DGKA: variants seen among roughly 807,000 people sequenced by gnomAD.
DGKA encodes the protein 80 kDa diacylglycerol kinase.
Under a neutral mutation model 105.0 loss-of-function variants are expected in DGKA, and 35 were observed. The ratio of observed to expected loss-of-function variants is 0.33; its 90% confidence interval spans 0.25 to 0.44. The LOEUF (loss-of-function observed/expected upper bound fraction) is 0.44, where lower values mean the gene tolerates loss of function less well. Among genes scored for constraint, DGKA ranks in the 20% least tolerant of loss-of-function variants. The pLI, the probability that DGKA is intolerant of heterozygous loss-of-function variation, is 1.00. For missense variants in DGKA, 665 were observed against 915.0 expected, an observed-to-expected ratio of 0.73 and a Z score of 3.53; for synonymous variants, 296 against 332.0, an observed-to-expected ratio of 0.89 and a Z score of 1.18.
intron 4 of DGKA, 114 bp downstream of exon 4, chr12:55,937,657 G>A: frequency 7.3e-7 from 1 of 1,376,334 alleles, no homozygotes; most frequent in Non-Finnish European, 1.0e-6. Flanking sequence ...GGGGAAATTG[G>A]TGGAGAATAG....
In DGKA at chr12:55,952,331, G is replaced by T. The variant is rs974026197; in HGVS notation, c.1653-10G>T. On this transcript the variant is annotated splice_polypyrimidine_tract_variant and intron_variant, in intron 19 of 23. Transcript: ENST00000331886. This position sits in a 1 kb window ranked among gnomAD's most constrained non-coding sequence, Gnocchi z 5.1. ...CCTCCCTACTGGGCCTTGTGTTGGG[G>T]CTGACACAGAATGAAGAACAAGCTA... The T allele has an allele frequency of 1.2e-6, 2 of 1,613,914 alleles. No individual in the cohort carries two copies. Among genetic ancestry groups the T allele is most frequent in the South Asian group, 2.2e-5 (2 of 91,084 alleles).
chr12:55,937,877 A>C, intron 4 of DGKA, 101 bp from the exon 5 acceptor site: 2 of 1,112,210 alleles, frequency 1.8e-6, no homozygotes, highest in Non-Finnish European at 2.7e-6. Flanking sequence ...AAAATCAGTA[A>C]ATCTTTTTTT....
chr12:55,932,289 T>C lies in DGKA; in HGVS notation c.-82+945T>C. 1 of 527,794 alleles carries C rather than the reference T, an allele frequency of 1.9e-6. No individual in the cohort carries two copies. The highest frequency in any genetic ancestry group is 3.4e-6 in the Non-Finnish European group (1 of 291,370). The allele number at this position is 527,794 out of a possible 1,614,324, so 32.7% of individuals were successfully genotyped here. A position where few individuals can be genotyped will look rare whatever the true frequency, so the allele number is the denominator to read the frequency against. On this transcript the variant is annotated intron_variant, in intron 1 of 23. Coordinates refer to ENST00000331886, the MANE Select transcript of DGKA (RefSeq NM_001345.5). This position sits in a 1 kb window ranked among gnomAD's most constrained non-coding sequence, Gnocchi z 4.3. The stretch of plus-strand genomic sequence containing the variant: ...AAGGGTCTGCGCTGGGACGCGGGGG[T>C]GCAGCGGGAGGGCTGGGCCCGAACC...
At chr12:55,938,468 A>G in intron 5 of DGKA, 43 bp from the exon 6 acceptor site, 1 of 1,610,864 alleles carries the variant, frequency 6.2e-7, no homozygotes, top group Non-Finnish European at 8.5e-7. Context: ...TTCTTTGGGT[A>G]TCTCTCACAA....
At chr12:55,936,322 C>A in intron 1 of DGKA, 101 bp from the exon 2 acceptor site, 1 of 1,337,478 alleles carries the variant, frequency 7.5e-7, no homozygotes, top group Non-Finnish European at 9.9e-7. Flanking sequence ...AAGGAAAGAA[C>A]AAAAAATAAT....
intron 17 of DGKA, among the ~76,000 whole-genome samples, chr12:55,945,090 G>A (rs748943045): frequency 5.5e-4 from 84 of 152,282 alleles, no homozygotes; most frequent in Middle Eastern, 3.4e-3. Flanking sequence ...GTGAGCCACC[G>A]TGCCCAACCT....
rs1592692914 is a variant in DGKA at position 55,939,949 on chromosome 12, C to G, written c.710-133C>G. 5.0e-6 allele frequency: 4 copies of G among 797,928 alleles called. No individual in the cohort carries two copies. In the East Asian group the frequency reaches 9.9e-5, roughly 20 times the overall value. 49.4% of individuals were successfully genotyped at this position (797,928 alleles called of 1,614,324 possible). On this transcript the variant is annotated intron_variant, in intron 9 of 23. Transcript: ENST00000331886. The stretch of plus-strand genomic sequence containing the variant: ...AAGGCGTGGGTTTTGGAGGTGGGCA[C>G]TTCACCCCGAACTTTTATTCTGCTA...
intron 17 of DGKA, among the ~76,000 whole-genome samples, chr12:55,948,073 G>A (rs971595796): frequency 2.0e-5 from 3 of 151,072 alleles, no homozygotes; most frequent in Non-Finnish European, 2.9e-5. Context: ...TTACAAGTGT[G>A]AGCCACCATA....
Position 55,942,268 on chromosome 12 carries a change from G to A in DGKA, c.1426+5G>A, listed in dbSNP as rs1565747830. On this transcript the variant is annotated splice_donor_5th_base_variant and intron_variant, in intron 17 of 23. Coordinates refer to ENST00000331886, the MANE Select transcript of DGKA (RefSeq NM_001345.5). ...GATGCCTAAGATGGGGAGGAGGTAA[G>A]TGGTTAGAAATTGTTTTGCTGTAGG... 6.2e-7 allele frequency: 1 copy of A among 1,614,146 alleles called. No individual in the cohort carries two copies. The highest frequency in any genetic ancestry group is 8.5e-7 in the Non-Finnish European group (1 of 1,179,980).
At position 55,932,314 on chromosome 12, in the gene DGKA, C is replaced by T. The variant is rs1045463433; in HGVS notation, c.-82+970C>T. Reference sequence around the variant, plus strand: ...TGCAGCGGGAGGGCTGGGCCCGAACCCGGTGGGTAACGTTTCCCAGACCTT... The same window carrying T: ...TGCAGCGGGAGGGCTGGGCCCGAACTCGGTGGGTAACGTTTCCCAGACCTT... On this transcript the variant is annotated intron_variant, in intron 1 of 23. Transcript: ENST00000331886. This position sits in a 1 kb window ranked among gnomAD's most constrained non-coding sequence, Gnocchi z 4.3. 5 of 558,092 alleles carry T rather than the reference C, an allele frequency of 9.0e-6. No individual in the cohort carries two copies. In the African/African-American group the frequency reaches 9.5e-5, roughly 11 times the overall value. The allele number at this position is 558,092 out of a possible 1,614,324, so 34.6% of individuals were successfully genotyped here.
Position 55,939,070 on chromosome 12 carries a change from A to C in DGKA, c.474+81A>C, listed in dbSNP as rs1885360502. ...GCATCTGCCTTACTTCATCTCTGAC[A>C]GGCAACCTGGTTCCCTTGGCTAGGA... On this transcript the variant is annotated intron_variant, in intron 7 of 23. Coordinates refer to ENST00000331886, the MANE Select transcript of DGKA (RefSeq NM_001345.5). The C allele has an allele frequency of 4.4e-6, 7 of 1,608,430 alleles. No homozygotes were observed. In the South Asian group the frequency reaches 5.5e-5, roughly 13 times the overall value.
In DGKA at chr12:55,953,413, G is replaced by A. The variant is rs375161326; in HGVS notation, c.2124+3G>A. 1.8e-5 allele frequency: 29 copies of A among 1,613,818 alleles called. No individual in the cohort carries two copies. The African/African-American group carries it at 2.4e-4, about 13-fold the overall frequency. On this transcript the variant is annotated splice_donor_region_variant and intron_variant, in intron 23 of 23. Coordinates refer to ENST00000331886, the MANE Select transcript of DGKA (RefSeq NM_001345.5). ...CCTGGATGCAGACGCCCTGTACAGT[G>A]AGTATTGACGATCCCAGCCAAAAAT...
At chr12:55,938,335 G>A in intron 5 of DGKA, 176 bp from the exon 6 acceptor site, 1 of 815,886 alleles carries the variant, frequency 1.2e-6, no homozygotes, top group Non-Finnish European at 2.0e-6. Flanking sequence ...CATTCACTGA[G>A]GGTAGAGTCC....
Position 55,932,733 on chromosome 12 carries a change from A to G in DGKA, c.-82+1389A>G, listed in dbSNP as rs951919682. The G allele has an allele frequency of 1.7e-4, 108 of 619,560 alleles. No homozygotes were observed. The highest frequency in any genetic ancestry group is 3.3e-4 in the Admixed American group (14 of 42,772). The allele number at this position is 619,560 out of a possible 1,614,324, so 38.4% of individuals were successfully genotyped here. On this transcript the variant is annotated intron_variant, in intron 1 of 23. Coordinates refer to ENST00000331886, the MANE Select transcript of DGKA (RefSeq NM_001345.5). This position sits in a 1 kb window ranked among gnomAD's most constrained non-coding sequence, Gnocchi z 4.3. ...CGCACACACACACACACACACACAC[A>G]CACACACAACCCCCTCAGCCAGGTG...
At chr12:55,943,907 G>A (rs145848031) in intron 17 of DGKA, among the ~76,000 whole-genome samples, 1 of 152,152 alleles carries the variant, frequency 6.6e-6, no homozygotes, top group East Asian at 1.9e-4. Context: ...AATCAAGTTA[G>A]CATAAACAAG....
chr12:55,930,493 A>G (rs555810904), upstream of DGKA: 1 of 151,446 alleles, frequency 6.6e-6, no homozygotes, highest in Admixed American at 6.6e-5. Flanking sequence ...CAGCCTCGCG[A>G]GTAACTGGGA....
chr12:55,933,329 C>T (rs1474064403), intron 1 of DGKA, among the ~76,000 whole-genome samples: 6 of 152,248 alleles, frequency 3.9e-5, no homozygotes, highest in African/African-American at 1.4e-4. Flanking sequence ...TTTCTCGCCC[C>T]AATTGGGTAG....
upstream of DGKA, chr12:55,927,414 C>T (rs1183457294): frequency 1.4e-6 from 1 of 710,084 alleles, no homozygotes; most frequent in Non-Finnish European, 2.5e-6. Context: ...CCTCGTACGT[C>T]CAGGACCTGC....
chr12:55,930,251 G>C (rs1883333781), upstream of DGKA, among the ~76,000 whole-genome samples: 1 of 151,238 alleles, frequency 6.6e-6, no homozygotes, highest in African/African-American at 2.4e-5. Flanking sequence ...GCCTTCAGAA[G>C]AGTTTGTTTA....
Sources: gnomAD v4.1 joint callset for allele counts (sites outside exome capture counted in the v4.1 genomes callset) on GRCh38, gnomAD v4.1.1 for gene constraint, Gnocchi (gnomAD v3.1) non-coding constraint, MANE v1.5 for transcripts, NCBI Gene and HGNC (gene_info 2026-07-23, HGNC 2026-07-21) for gene names.